Variants in VPS54 observed in about 807,000 individuals in gnomAD.
The protein encoded by VPS54 is vacuolar protein sorting-associated protein 54.
VPS54 carries 45 observed loss-of-function variants against 121.5 expected under a neutral mutation model. The observed-to-expected ratio is 0.37, with a 90% CI of 0.29 to 0.47. The LOEUF is 0.47. Ranked by LOEUF, VPS54 falls within the 20% of genes least tolerant of loss-of-function variation. The pLI is 0.99. For synonymous variants in VPS54, 371 were observed against 385.8 expected (o/e 0.96, Z 0.45); for missense variants, 1,090 against 1,131.4 (o/e 0.96, Z 0.52).
intron 20 of VPS54, among the ~76,000 whole-genome samples, chr2:63,906,108 C>G (rs1391244201): frequency 2.0e-5 from 3 of 152,030 alleles, no homozygotes; most frequent in Non-Finnish European, 2.9e-5. Flanking sequence ...ACATTTTGTC[C>G]CAAGACTGGA....
intron 1 of VPS54, among the ~76,000 whole-genome samples, chr2:64,002,718 A>G: frequency 1.3e-5 from 2 of 152,194 alleles, no homozygotes; most frequent in East Asian, 3.8e-4. Context: ...TTTACTCTTT[A>G]AAGATTTTGA....
intron 3 of VPS54, among the ~76,000 whole-genome samples, chr2:63,977,523 C>T (rs1676597950): frequency 1.3e-5 from 2 of 152,316 alleles, no homozygotes; most frequent in East Asian, 1.9e-4. Flanking sequence ...AAGCATTCTT[C>T]ATTTCTGTTA....
chr2:63,897,434 C>A, intron 22 of VPS54, 62 bp downstream of exon 22: 3 of 1,193,400 alleles, frequency 2.5e-6, no homozygotes, highest in South Asian at 2.8e-5. Context: ...CACAAATAAT[C>A]AAAACTGATC....
At position 63,915,870 on chromosome 2, in the gene VPS54, C is replaced by T. The variant is rs185621603; in HGVS notation, c.2228+1030G>A. Among the ~76,000 whole-genome samples the T allele has an allele frequency of 1.3e-4, 20 of 152,228 alleles. No homozygotes were observed. The East Asian group carries it at 2.9e-3, about 22-fold the overall frequency. On this transcript the variant is annotated intron_variant, in intron 16 of 22. Coordinates refer to ENST00000272322, the MANE Select transcript of VPS54 (RefSeq NM_016516.3). ...ATTATGGTGCCAAGAAAAATAAAAACGGTAAGACCTCATCTCTACCTTTGA... is the reference window on the plus strand; with the variant it reads ...ATTATGGTGCCAAGAAAAATAAAAATGGTAAGACCTCATCTCTACCTTTGA...
intron 22 of VPS54, among the ~76,000 whole-genome samples, chr2:63,894,678 G>A (rs1243423838): frequency 6.7e-6 from 1 of 150,246 alleles, no homozygotes; most frequent in African/African-American, 2.4e-5. Flanking sequence ...CCTCCAGCCT[G>A]TGTGACCATG....
chr2:63,913,150 T>TA (rs938975506), intron 18 of VPS54, 73 bp downstream of exon 18: 6 of 1,262,196 alleles, frequency 4.8e-6, no homozygotes, highest in African/African-American at 3.1e-5. Context: ...ACATGAGGTA[T>TA]AAAAAAACAT....
intron 12 of VPS54, among the ~76,000 whole-genome samples, chr2:63,924,661 G>T (rs1673812308): frequency 6.6e-6 from 1 of 152,046 alleles, no homozygotes; most frequent in African/African-American, 2.4e-5. Flanking sequence ...CAAACTAATT[G>T]TTTAAGAAAA....
At chr2:63,898,886 A>G (rs1672553201) in intron 21 of VPS54, among the ~76,000 whole-genome samples, 1 of 152,122 alleles carries the variant, frequency 6.6e-6, no homozygotes. Context: ...TGAGGAGTGA[A>G]GAGAACTCTG....
At chr2:63,940,153 G>A (rs1674653107) in intron 11 of VPS54, among the ~76,000 whole-genome samples, 1 of 152,076 alleles carries the variant, frequency 6.6e-6, no homozygotes. Context: ...TAAAGAATGT[G>A]TCAAGCATAA....
At chr2:63,930,976 C>G (rs889250321) in intron 12 of VPS54, among the ~76,000 whole-genome samples, 1 of 152,158 alleles carries the variant, frequency 6.6e-6, no homozygotes, top group Non-Finnish European at 1.5e-5. Flanking sequence ...AGGACCTCTT[C>G]AAGGAGAACT....
chr2:63,915,552 GT>G (rs1673345189), intron 16 of VPS54, among the ~76,000 whole-genome samples: 1 of 152,160 alleles, frequency 6.6e-6, no homozygotes, highest in South Asian at 2.1e-4. Context: ...AGGGAATTTA[GT>G]TTTTTGGCAA....
At chr2:63,958,755 C>T (rs1201156649) in intron 7 of VPS54, among the ~76,000 whole-genome samples, 1 of 152,018 alleles carries the variant, frequency 6.6e-6, no homozygotes, top group Non-Finnish European at 1.5e-5. Context: ...ATACAAAGAA[C>T]AGTATAGCCA....
chr2:63,997,962 T>C (rs1424070807), intron 1 of VPS54, among the ~76,000 whole-genome samples: 1 of 152,186 alleles, frequency 6.6e-6, no homozygotes. Flanking sequence ...CAGGAACATA[T>C]TATGTAATTT....
chr2:63,907,576 A>G (rs1158751816), intron 20 of VPS54, among the ~76,000 whole-genome samples: 3 of 152,028 alleles, frequency 2.0e-5, no homozygotes, highest in Non-Finnish European at 4.4e-5. Context: ...AGCAGCATGA[A>G]CAGAAAATAA....
chr2:63,955,112 G>A (rs1003703780), intron 7 of VPS54, among the ~76,000 whole-genome samples: 9 of 151,916 alleles, frequency 5.9e-5, no homozygotes, highest in African/African-American at 1.9e-4. Context: ...ATTTATGAAT[G>A]AAACAAAATG....
intron 3 of VPS54, among the ~76,000 whole-genome samples, chr2:63,972,867 G>C (rs1288710840): frequency 1.3e-5 from 2 of 149,646 alleles, no homozygotes; most frequent in East Asian, 1.9e-4. Context: ...GGCAGAGTGA[G>C]ACTCTATCAC....
At chr2:63,972,070 TTATAGA>T in intron 4 of VPS54, 90 bp downstream of exon 4, 1 of 656,570 alleles carries the variant, frequency 1.5e-6, no homozygotes, top group East Asian at 3.3e-5. Flanking sequence ...GAAATAAAAA[TTATAGA>T]TATAACAGGC....
Position 63,892,561 on chromosome 2 carries a change from T to C in VPS54, c.*869A>G, listed in dbSNP as rs949992294. The C allele has an allele frequency of 6.6e-6, 1 of 152,614 alleles. No homozygotes were observed. The highest frequency in any genetic ancestry group is 2.4e-5 in the African/African-American group (1 of 41,452). 9.5% of individuals were successfully genotyped at this position (152,614 alleles called of 1,614,324 possible). A position where few individuals can be genotyped will look rare whatever the true frequency, so the allele number is the denominator to read the frequency against. On this transcript the variant is annotated 3_prime_UTR_variant, in exon 23 of 23. Coordinates refer to ENST00000272322, the MANE Select transcript of VPS54 (RefSeq NM_016516.3). The stretch of plus-strand genomic sequence containing the variant: ...TTCATATGTTATCTAAATGTTAATA[T>C]GAGAACTCAAAAGTAGGCAGATTAT...
At chr2:63,960,239 G>A (rs1385386938) in intron 7 of VPS54, among the ~76,000 whole-genome samples, 4 of 151,874 alleles carry the variant, frequency 2.6e-5, no homozygotes, top group East Asian at 1.9e-4. Context: ...ACCCTGTCTC[G>A]AAATAAATAC....
Sources: gnomAD v4.1 joint callset for allele counts (sites outside exome capture counted in the v4.1 genomes callset) on GRCh38, gnomAD v4.1.1 for gene constraint, MANE v1.5 for transcripts, NCBI Gene and HGNC (gene_info 2026-07-23, HGNC 2026-07-21) for gene names.